Variants in RBM38 observed in about 807,000 individuals in gnomAD.
The protein encoded by RBM38 is RNA-binding protein 38.
RBM38 carries 11 observed loss-of-function variants against 23.5 expected under a neutral mutation model. The observed-to-expected ratio is 0.47, with a 90% confidence interval of 0.29 to 0.77. The LOEUF (loss-of-function observed/expected upper bound fraction) is 0.77, where lower values mean the gene tolerates loss of function less well. Among genes scored for constraint, RBM38 ranks in the 30% least tolerant of loss-of-function variants. The probability of loss-of-function intolerance (pLI) is 0.08; values close to 1 mark genes in which losing one functional copy is unlikely to be tolerated. For missense variants in RBM38, 330 were observed against 351.9 expected (o/e 0.94, Z 0.50); for synonymous variants, 165 against 166.1 (o/e 0.99, Z 0.05).
rs756717185 is a variant in RBM38, at chr20:57,392,616, C to A, written c.238-38C>A. On this transcript the variant is annotated intron_variant, in intron 1 of 3. Transcript: ENST00000356208. Reference sequence around the variant, plus strand: ...CGTCTGCCCCTTTCGCCCCTGGTTCCCCCCACGGCAGCCCCTGATGTGTCT... The same window carrying A: ...CGTCTGCCCCTTTCGCCCCTGGTTCACCCCACGGCAGCCCCTGATGTGTCT... 2.3e-5 allele frequency: 36 copies of A among 1,586,548 alleles called. No homozygotes were observed. The East Asian group carries it at 7.9e-4, about 35-fold the overall frequency.
chr20:57,396,081 C>T (rs557397016), intron 3 of RBM38, among the ~76,000 whole-genome samples: 4 of 152,378 alleles, frequency 2.6e-5, no homozygotes, highest in African/African-American at 9.6e-5. Flanking sequence ...CCTGTGGAAT[C>T]TTCTTCGCCT....
intron 3 of RBM38, among the ~76,000 whole-genome samples, chr20:57,399,459 T>G (rs1226838932): frequency 6.6e-6 from 1 of 152,152 alleles, no homozygotes; most frequent in Admixed American, 6.5e-5. Flanking sequence ...GTGTCTATTT[T>G]AAAGAACCTG....
At chr20:57,394,548 A>C (rs1190993408) in intron 3 of RBM38, among the ~76,000 whole-genome samples, 2 of 152,168 alleles carry the variant, frequency 1.3e-5, no homozygotes, top group Admixed American at 6.5e-5. Context: ...GTGGCCGGGC[A>C]GCTCAGGTTC....
intron 3 of RBM38, among the ~76,000 whole-genome samples, 182 bp downstream of exon 3, chr20:57,393,515 C>T (rs1384874459): frequency 6.6e-6 from 1 of 152,192 alleles, no homozygotes; most frequent in Non-Finnish European, 1.5e-5. Flanking sequence ...GCCATACCAC[C>T]TAGGGGATGG....
chr20:57,406,404 C>T (rs1206825038), intron 3 of RBM38, among the ~76,000 whole-genome samples: 3 of 152,212 alleles, frequency 2.0e-5, no homozygotes, highest in African/African-American at 7.2e-5. Flanking sequence ...GAGCACAGCT[C>T]TGAGGCCGGC....
rs768306420 is a variant in RBM38, at chr20:57,407,669, G to A, written c.543G>A (p.Gln181=). Residue 181 remains glutamine, a synonymous_variant, in exon 4 of 4, where the codon CAG becomes CAA. Transcript: ENST00000356208. This position sits in a 1 kb window ranked among gnomAD's most constrained non-coding sequence, Gnocchi z 4.0. Reference sequence around the variant, plus strand: ...CGCCGGCCAGCCCGGCCTACGCCCAGTACCCACCGGCCACCTATGACCAGT... The same window carrying A: ...CGCCGGCCAGCCCGGCCTACGCCCAATACCCACCGGCCACCTATGACCAGT... The part of the protein sequence containing the change: ...EYTPASPAYA[Q]YPPATYDQYP... 2 of 1,613,128 alleles carry A rather than the reference G, an allele frequency of 1.2e-6. No homozygotes were observed. Among genetic ancestry groups the A allele is most frequent in the South Asian group, 1.1e-5 (1 of 91,090 alleles).
At chr20:57,398,689 C>G (rs1033776039) in intron 3 of RBM38, among the ~76,000 whole-genome samples, 2 of 152,234 alleles carry the variant, frequency 1.3e-5, no homozygotes, top group African/African-American at 4.8e-5. Flanking sequence ...CTTTGGGTGG[C>G]GGGGGCTCTT....
At chr20:57,393,382 G>A (rs1234657170) in intron 3 of RBM38, 49 bp downstream of exon 3, 30 of 1,581,276 alleles carry the variant, frequency 1.9e-5, no homozygotes, top group African/African-American at 2.7e-5. Context: ...GAGATGAAGT[G>A]GAGAGGGCCT....
At chr20:57,403,449 T>G (rs2067350159) in intron 3 of RBM38, among the ~76,000 whole-genome samples, 1 of 152,166 alleles carries the variant, frequency 6.6e-6, no homozygotes, top group East Asian at 1.9e-4. Context: ...GCCCGTGCTG[T>G]GCCTTCCTTT....
rs960518271 is a variant in RBM38, at chr20:57,405,150, C to T, written c.417-2393C>T. ...GAAGCCACCCTGGCCTTTCCCCCAT[C>T]GCTGTCCACACATCACAGCCCTCTG... On this transcript the variant is annotated intron_variant, in intron 3 of 3. Transcript: ENST00000356208. 4.9e-4 allele frequency among the ~76,000 whole-genome samples: 75 copies of T among 152,228 alleles called. 1 individual carries two copies. The highest frequency in any genetic ancestry group is 4.8e-3 in the Admixed American group (73 of 15,290).
intron 3 of RBM38, among the ~76,000 whole-genome samples, chr20:57,404,276 C>T (rs79232052): frequency 0.015 from 2,233 of 152,338 alleles, 62 homozygotes; most frequent in African/African-American, 0.051. Context: ...ATCAGGACCC[C>T]GGGGCCTGTT....
chr20:57,395,058 G>C (rs75700472), intron 3 of RBM38, among the ~76,000 whole-genome samples: 52 of 152,344 alleles, frequency 3.4e-4, no homozygotes, highest in Non-Finnish European at 6.9e-4. Flanking sequence ...CGGAAAACAG[G>C]AACATTAACT....
At chr20:57,402,493 G>T (rs550311885) in intron 3 of RBM38, among the ~76,000 whole-genome samples, 1 of 152,324 alleles carries the variant, frequency 6.6e-6, no homozygotes, top group South Asian at 2.1e-4. Flanking sequence ...GAGAGTGCAG[G>T]AGAGTCCCAC....
chr20:57,402,110 GC>G (rs1395760838), intron 3 of RBM38, among the ~76,000 whole-genome samples: 1 of 151,972 alleles, frequency 6.6e-6, no homozygotes, highest in Non-Finnish European at 1.5e-5. Context: ...ACCACGCCCA[GC>G]TATTTTTGTA....
intron 3 of RBM38, among the ~76,000 whole-genome samples, chr20:57,405,579 A>G (rs1169751631): frequency 1.3e-5 from 2 of 152,208 alleles, no homozygotes; most frequent in Non-Finnish European, 2.9e-5. Context: ...AGAGAGGGTG[A>G]CGCAGTGTAG....
intron 3 of RBM38, among the ~76,000 whole-genome samples, chr20:57,400,923 G>T (rs2146212589): frequency 6.6e-6 from 1 of 152,312 alleles, no homozygotes; most frequent in Admixed American, 6.5e-5. Flanking sequence ...GAGCGCGTGG[G>T]ACTCCAGCAG....
chr20:57,394,401 T>C (rs2146203266), intron 3 of RBM38, among the ~76,000 whole-genome samples: 1 of 152,192 alleles, frequency 6.6e-6, no homozygotes, highest in East Asian at 1.9e-4. Flanking sequence ...TGCCCACTTT[T>C]TGGGAACGCT....
intron 1 of RBM38, 133 bp from the exon 2 acceptor site, chr20:57,392,521 G>A (rs2146199940): frequency 6.6e-7 from 1 of 1,523,434 alleles, no homozygotes; most frequent in East Asian, 2.5e-5. Flanking sequence ...TTGGCTCAAG[G>A]ACCCTGGGTC....
chr20:57,407,115 A>G lies in RBM38; in HGVS notation c.417-428A>G, dbSNP rs550239821. Among the ~76,000 whole-genome samples, 5 of 152,022 alleles carry G rather than the reference A, an allele frequency of 3.3e-5. No individual in the cohort carries two copies. In the East Asian group the frequency reaches 9.7e-4, roughly 30 times the overall value. On this transcript the variant is annotated intron_variant, in intron 3 of 3. Transcript: ENST00000356208. The surrounding 1 kb of genome is among the most constrained non-coding windows in gnomAD (Gnocchi z 4.0). ...TTGAGTGTCAGGGAGATGAGCAGGG[A>G]AGGGGGACAGGGCTGGCCTCCCAGA...
Sources: allele counts gnomAD v4.1 joint callset (sites outside exome capture counted in the v4.1 genomes callset), GRCh38; gene constraint gnomAD v4.1.1; non-coding constraint Gnocchi (gnomAD v3.1); transcripts MANE v1.5; gene names NCBI Gene and HGNC (gene_info 2026-07-23, HGNC 2026-07-21).